The following CD80 variants were observed in gnomAD, a reference collection of about 807,000 sequenced individuals.
CD80 encodes CD80 molecule, also known as T-lymphocyte activation antigen CD80.
CD80 carries 13 observed loss-of-function variants against 27.1 expected under a neutral mutation model. The observed-to-expected ratio is 0.48, with a 90% CI of 0.31 to 0.76. The LOEUF (loss-of-function observed/expected upper bound fraction) is 0.76, where lower values mean the gene tolerates loss of function less well. CD80 is among the 30% of genes least tolerant of loss of function. CD80 has a pLI of 0.04. For missense variants in CD80, 277 were observed against 347.9 expected (o/e 0.80, Z 1.62); for synonymous variants, 125 against 125.5 (o/e 1.00, Z 0.03).
At position 119,542,132 on chromosome 3, in the gene CD80, C is replaced by T. The variant is rs561001379; in HGVS notation, c.418+2418G>A. Among the ~76,000 whole-genome samples the T allele has an allele frequency of 6.4e-5, 9 of 139,670 alleles. No homozygotes were observed. The East Asian group carries it at 1.9e-3, about 29-fold the overall frequency. The allele number at this position is 139,670 out of a possible 152,430, so 91.6% of individuals were successfully genotyped here. A position where few individuals can be genotyped will look rare whatever the true frequency, so the allele number is the denominator to read the frequency against. ...TTTAGGAGGAAAATGGAGAAACTAG[C>T]AGGAATGGCTATGATGATGAGAATT... On this transcript the variant is annotated intron_variant, in intron 3 of 6. Transcript: ENST00000264246.
intron 3 of CD80, among the ~76,000 whole-genome samples, chr3:119,542,280 T>C (rs1013027850): frequency 6.6e-6 from 1 of 152,076 alleles, no homozygotes; most frequent in Non-Finnish European, 1.5e-5. Flanking sequence ...AAGTTTAAGA[T>C]AGTTCCATGT....
At chr3:119,528,425 T>C (rs1364070467) in intron 5 of CD80, among the ~76,000 whole-genome samples, 1 of 152,230 alleles carries the variant, frequency 6.6e-6, no homozygotes, top group Non-Finnish European at 1.5e-5. Flanking sequence ...ATAGTGATTA[T>C]GGCCTTATTT....
intron 4 of CD80, among the ~76,000 whole-genome samples, chr3:119,533,333 T>C (rs1024835884): frequency 6.6e-6 from 1 of 152,142 alleles, no homozygotes; most frequent in Admixed American, 6.5e-5. Flanking sequence ...CCTTCCAGTT[T>C]ATCAAGGGAA....
At chr3:119,557,081 A>C (rs577558149) in intron 2 of CD80, among the ~76,000 whole-genome samples, 1 of 152,266 alleles carries the variant, frequency 6.6e-6, no homozygotes, top group African/African-American at 2.4e-5. Flanking sequence ...TTGAAAAAAG[A>C]TCTCAGCATC....
In CD80 at chr3:119,526,328, C is replaced by T. The variant is rs577429393; in HGVS notation, c.*39-579G>A. Among the ~76,000 whole-genome samples, 4 of 152,254 alleles carry T rather than the reference C, an allele frequency of 2.6e-5. No homozygotes were observed. The South Asian group carries it at 8.3e-4, about 32-fold the overall frequency. ...GGCCTTGTGTAGAAGATTGGGTACA[C>T]GGCTTCATTTTGAAGTATCAGCAGA... is the stretch of plus-strand genomic sequence containing the variant. On this transcript the variant is annotated intron_variant, in intron 6 of 6. Coordinates refer to ENST00000264246, the MANE Select transcript of CD80 (RefSeq NM_005191.4).
chr3:119,544,829 T>C lies in CD80; in HGVS notation c.139A>G (p.Thr47Ala), dbSNP rs183378805. Residue 47 changes from threonine to alanine, a missense_variant, in exon 3 of 7, where the codon ACG becomes GCG. By Grantham distance (58) the Thr-to-Ala change is moderately conservative. Transcript: ENST00000264246. ...GAAACATTGTGACCACAGGACAGCG[T>C]TGCCACTTCTTTCACTTCCTTGGTC... ...HVTKEVKEVATLSCGHNVSVE... is the reference protein window; with the variant it reads ...HVTKEVKEVAALSCGHNVSVE... 1.0e-4 allele frequency: 167 copies of C among 1,614,174 alleles called. 1 individual carries two copies. Among genetic ancestry groups the C allele is most frequent in the Admixed American group, 3.2e-4 (19 of 60,022 alleles).
chr3:119,539,574 C>G (rs1389412640), intron 3 of CD80, among the ~76,000 whole-genome samples: 1 of 152,130 alleles, frequency 6.6e-6, no homozygotes, highest in Non-Finnish European at 1.5e-5. Flanking sequence ...CCTCCAAGAC[C>G]CTTGAGGCAC....
At chr3:119,557,389 C>T (rs2082270509) in intron 2 of CD80, among the ~76,000 whole-genome samples, 1 of 152,162 alleles carries the variant, frequency 6.6e-6, no homozygotes, top group African/African-American at 2.4e-5. Context: ...ACTGTCCCTT[C>T]CACGCTTCCT....
At chr3:119,550,777 CTCATAAA>C (rs1360473021) in intron 2 of CD80, among the ~76,000 whole-genome samples, 1 of 152,122 alleles carries the variant, frequency 6.6e-6, no homozygotes, top group African/African-American at 2.4e-5. Flanking sequence ...TGAGATACTG[CTCATAAA>C]AGTCCTCCAC....
intron 2 of CD80, among the ~76,000 whole-genome samples, chr3:119,556,776 CA>C (rs1358536202): frequency 1.3e-5 from 2 of 152,176 alleles, no homozygotes; most frequent in East Asian, 3.9e-4. Context: ...TGCTGGAGCC[CA>C]AACTTCTTTG....
rs1298280379 is a variant in CD80, at chr3:119,557,936, A to T, written c.-200-8T>A. 1.0e-5 allele frequency: 4 copies of T among 387,874 alleles called. No homozygotes were observed. The highest frequency in any genetic ancestry group is 1.8e-5 in the Non-Finnish European group (4 of 218,058). The allele number at this position is 387,874 out of a possible 1,614,324, so 24.0% of individuals were successfully genotyped here. A position where few individuals can be genotyped will look rare whatever the true frequency, so the allele number is the denominator to read the frequency against. The stretch of plus-strand genomic sequence containing the variant: ...TGGATTTAGTTTCACAGCCTGAAAA[A>T]GGAACAAATAAAAGTCATTCAGGAA... On this transcript the variant is annotated splice_polypyrimidine_tract_variant and splice_region_variant and intron_variant, in intron 1 of 6. Coordinates refer to ENST00000264246, the MANE Select transcript of CD80 (RefSeq NM_005191.4).
Position 119,544,783 on chromosome 3 carries a change from G to C in CD80, c.185C>G (p.Thr62Ser), listed in dbSNP as rs1479901177. Residue 62 changes from threonine (T) to serine (S), a missense_variant, in exon 3 of 7, where the codon ACT becomes AGT. Transcript: ENST00000264246. ...HNVSVEELAQ[T>S]RIYWQKEKKM... Reference sequence around the variant, plus strand: ...CTTCTCCTTTTGCCAGTAGATGCGAGTTTGTGCCAGCTCTTCAACAGAAAC... The same window carrying C: ...CTTCTCCTTTTGCCAGTAGATGCGACTTTGTGCCAGCTCTTCAACAGAAAC... 6.2e-7 allele frequency: 1 copy of C among 1,614,082 alleles called. No homozygotes were observed. The highest frequency in any genetic ancestry group is 8.5e-7 in the Non-Finnish European group (1 of 1,180,038).
At position 119,527,815 on chromosome 3, in the gene CD80, TTC is replaced by T. The variant is rs924864193; in HGVS notation, c.821_822del (p.Arg274LysfsTer4). ...TCCCTTCTCAATCTCTCATTCCTCC[TTC>T]TCTCTCTGCATCTTGGGGCAAAGCC... ...TYCFAPRCRE[R>X]RRNERLRRES... On this transcript the variant is annotated frameshift_variant, in exon 6 of 7. Transcript: ENST00000264246. LOFTEE classifies it high-confidence loss of function. 2 of 1,613,832 alleles carry T rather than the reference TTC, an allele frequency of 1.2e-6. No homozygotes were observed. Among genetic ancestry groups the T allele is most frequent in the Non-Finnish European group, 1.7e-6 (2 of 1,179,842 alleles).
chr3:119,544,683 G>A lies in CD80; in HGVS notation c.285C>T (p.Ile95=). Residue 95 remains isoleucine, a synonymous_variant, in exon 3 of 7, where the codon ATC becomes ATT. Transcript: ENST00000264246. Reference sequence around the variant, plus strand: ...GGATCACAATGGAGAGGTTATTAGTGATATCAAAGATGGTCCGGTTCTTGT... The same window carrying A: ...GGATCACAATGGAGAGGTTATTAGTAATATCAAAGATGGTCCGGTTCTTGT... ...PEYKNRTIFD[I]TNNLSIVILA... is the part of the protein sequence containing the mutation. 1 of 1,614,156 alleles carries A rather than the reference G, an allele frequency of 6.2e-7. No homozygotes were observed. Among genetic ancestry groups the A allele is most frequent in the Non-Finnish European group, 8.5e-7 (1 of 1,180,004 alleles).
intron 2 of CD80, among the ~76,000 whole-genome samples, chr3:119,556,531 G>A (rs1196285436): frequency 6.6e-6 from 1 of 152,168 alleles, no homozygotes; most frequent in Non-Finnish European, 1.5e-5. Flanking sequence ...AAAACCTGAG[G>A]TGTAAATTGT....
chr3:119,550,939 C>A (rs1394452928), intron 2 of CD80, among the ~76,000 whole-genome samples: 3 of 152,166 alleles, frequency 2.0e-5, no homozygotes, highest in Non-Finnish European at 4.4e-5. Flanking sequence ...TCCCTGCCCC[C>A]CTCCATCCTG....
chr3:119,529,989 T>G, intron 4 of CD80, 52 bp from the exon 5 acceptor site: 1 of 1,296,420 alleles, frequency 7.7e-7, no homozygotes, highest in Non-Finnish European at 1.1e-6. Context: ...TACTGCCTGA[T>G]ACTCATTCTG....
chr3:119,545,746 C>A (rs907495008), intron 2 of CD80, among the ~76,000 whole-genome samples: 6 of 151,812 alleles, frequency 4.0e-5, no homozygotes, highest in East Asian at 3.9e-4. Flanking sequence ...ACACCCCCCC[C>A]CACATTTTGT....
chr3:119,528,767 C>A (rs569148635), intron 5 of CD80, among the ~76,000 whole-genome samples: 15 of 150,214 alleles, frequency 1.0e-4, no homozygotes, highest in African/African-American at 3.6e-4. Context: ...ACTAAAAATA[C>A]AAAAAAAAAT....
Sources: allele counts gnomAD v4.1 joint callset (sites outside exome capture counted in the v4.1 genomes callset), GRCh38; gene constraint gnomAD v4.1.1; transcripts MANE v1.5; gene names NCBI Gene and HGNC (gene_info 2026-07-23, HGNC 2026-07-21).